Variants in GGT5 observed in about 807,000 individuals in gnomAD.
The protein encoded by GGT5 is glutathione hydrolase 5 proenzyme.
In GGT5, 50 loss-of-function variants were observed where a neutral mutation model predicts 58.1. That is an observed-to-expected ratio of 0.86 (90% CI 0.69 to 1.09). The LOEUF (loss-of-function observed/expected upper bound fraction) is 1.09. Ranked by LOEUF, GGT5 falls within the 50% of genes least tolerant of loss-of-function variation. The pLI is 0.00. For missense variants in GGT5, 800 were observed against 789.4 expected (o/e 1.01, Z -0.16); for synonymous variants, 370 against 346.1 (o/e 1.07, Z -0.77).
chr22:24,238,817 A>T (rs1435278006), intron 1 of GGT5, among the ~76,000 whole-genome samples: 1 of 2,026 alleles, frequency 4.9e-4, no homozygotes, highest in African/African-American at 2.0e-3. Flanking sequence ...AATATATTAT[A>T]TATATATATA....
At chr22:24,236,986 G>T (rs573194352) in intron 1 of GGT5, among the ~76,000 whole-genome samples, 1 of 150,702 alleles carries the variant, frequency 6.6e-6, no homozygotes, top group South Asian at 2.1e-4. Flanking sequence ...ATAGATCAGG[G>T]ATTCTTTTTT....
rs1435107476 is a variant in GGT5, at chr22:24,244,701, C to T, written c.25G>A (p.Val9Ile). The change falls in exon 1 of 12, where the codon GTC (valine) becomes ATC (isoleucine). Residue 9 changes from valine (V) to isoleucine (I), a missense_variant. Transcript: ENST00000327365. The part of the protein sequence containing the change: MARGYGAT[V>I]SLVLLGLGLA... ...CCCAGACCCAGCAGGACTAGGCTGACCGTGGCCCCGTAGCCCCGGGCCATG... is the reference window on the plus strand; with the variant it reads ...CCCAGACCCAGCAGGACTAGGCTGATCGTGGCCCCGTAGCCCCGGGCCATG... 1 of 1,611,886 alleles carries T rather than the reference C, an allele frequency of 6.2e-7. No individual in the cohort carries two copies. The highest frequency in any genetic ancestry group is 8.5e-7 in the Non-Finnish European group (1 of 1,179,646).
chr22:24,235,889 C>CCACAG (rs2048081267), intron 1 of GGT5, among the ~76,000 whole-genome samples: 1 of 152,142 alleles, frequency 6.6e-6, no homozygotes, highest in African/African-American at 2.4e-5. Flanking sequence ...GGGCCAGGTC[C>CCACAG]CTGCACCCAC....
intron 6 of GGT5, among the ~76,000 whole-genome samples, chr22:24,228,081 A>AAAAAAAC (rs2047829885): frequency 6.8e-6 from 1 of 147,070 alleles, no homozygotes; most frequent in African/African-American, 2.5e-5. Flanking sequence ...ACAAAAAAAA[A>AAAAAAAC]AAAACTCTGA....
chr22:24,226,679 CT>C lies in GGT5; in HGVS notation c.989del (p.Lys330ArgfsTer117), dbSNP rs2047776468. The part of the protein sequence containing the change: ...HHLVETLKFA[K>X]GQRWRLGDPR... ...GGTCCCCCAGCCTCCACCTCTGCCC[CT>C]TGGCAAACTTGAGCGTCTCTACAAG... On this transcript the variant is annotated frameshift_variant, in exon 7 of 12. Coordinates refer to ENST00000327365, the MANE Select transcript of GGT5 (RefSeq NM_004121.5). LOFTEE classifies it high-confidence loss of function. 1.2e-6 allele frequency: 2 copies of C among 1,613,982 alleles called. No homozygotes were observed. The highest frequency in any genetic ancestry group is 2.7e-5 in the African/African-American group (2 of 74,922).
At position 24,226,273 on chromosome 22, in the gene GGT5, T is replaced by G; in HGVS notation, c.1039-7A>C. 6.3e-7 allele frequency: 1 copy of G among 1,584,382 alleles called. No homozygotes were observed. The highest frequency in any genetic ancestry group is 8.6e-7 in the Non-Finnish European group (1 of 1,166,962). ...GCAGGTCCCGGGAGGCATTCTGGGG[T>G]GGGTGGGCAGGTGGCAGGGTCAGTG... On this transcript the variant is annotated splice_polypyrimidine_tract_variant and splice_region_variant and intron_variant, in intron 7 of 11. Transcript: ENST00000327365.
intron 11 of GGT5, among the ~76,000 whole-genome samples, chr22:24,223,561 A>C (rs116644676): frequency 2.0e-5 from 3 of 152,016 alleles, no homozygotes; most frequent in Non-Finnish European, 4.4e-5. Flanking sequence ...GCAAACTCCA[A>C]GAGTTTGAGC....
intron 1 of GGT5, among the ~76,000 whole-genome samples, chr22:24,238,832 T>TATATAATATATA: frequency 8.6e-5 from 1 of 11,690 alleles, no homozygotes; most frequent in East Asian, 3.1e-3. Flanking sequence ...TATATATATA[T>TATATAATATATA]TTATATATAT....
At chr22:24,228,117 A>T (rs1262633061) in intron 6 of GGT5, among the ~76,000 whole-genome samples, 1 of 150,490 alleles carries the variant, frequency 6.6e-6, no homozygotes, top group South Asian at 2.1e-4. Flanking sequence ...AAAGGCCATG[A>T]AGACAGGACT....
At chr22:24,229,002 A>G (rs1250694892) in intron 6 of GGT5, among the ~76,000 whole-genome samples, 2 of 151,970 alleles carry the variant, frequency 1.3e-5, no homozygotes, top group Non-Finnish European at 2.9e-5. Context: ...AGGCAGGAGA[A>G]TCGCTTGAAC....
chr22:24,238,750 A>G (rs1204067087), intron 1 of GGT5, among the ~76,000 whole-genome samples: 1 of 74,672 alleles, frequency 1.3e-5, no homozygotes, highest in African/African-American at 5.0e-5. Flanking sequence ...ATGTGTGTGT[A>G]TATATATGGA....
chr22:24,226,857 C>T (rs2047783921), intron 6 of GGT5, 90 bp from the exon 7 acceptor site: 1 of 1,096,808 alleles, frequency 9.1e-7, no homozygotes, highest in African/African-American at 1.5e-5. Flanking sequence ...AAAGATCCAC[C>T]CACATCCTAA....
chr22:24,228,218 G>A (rs1169013388), intron 6 of GGT5, among the ~76,000 whole-genome samples: 1 of 151,968 alleles, frequency 6.6e-6, no homozygotes, highest in Non-Finnish European at 1.5e-5. Context: ...AGGATTGCTT[G>A]AGTCCAGGAG....
At chr22:24,233,768 A>T in intron 2 of GGT5, 106 bp downstream of exon 2, 4 of 1,183,150 alleles carry the variant, frequency 3.4e-6, no homozygotes, top group African/African-American at 1.5e-5. Context: ...AGGGGGCCCA[A>T]GAACACCCAG....
intron 1 of GGT5, among the ~76,000 whole-genome samples, chr22:24,238,562 G>T: frequency 6.9e-6 from 1 of 144,102 alleles, no homozygotes; most frequent in South Asian, 2.2e-4. Flanking sequence ...AAATTAGCCA[G>T]GCGTGGTGGC....
At chr22:24,232,620 A>G (rs1007242120) in intron 4 of GGT5, among the ~76,000 whole-genome samples, 2 of 152,080 alleles carry the variant, frequency 1.3e-5, no homozygotes, top group African/African-American at 2.4e-5. Context: ...CACTTGGGCA[A>G]TAAACTCCCC....
At chr22:24,228,509 G>A (rs1259261375) in intron 6 of GGT5, among the ~76,000 whole-genome samples, 1 of 150,954 alleles carries the variant, frequency 6.6e-6, no homozygotes, top group Non-Finnish European at 1.5e-5. Flanking sequence ...GGAGTGCAGT[G>A]GTGTGATCTC....
At chr22:24,237,179 G>C (rs1304718070) in intron 1 of GGT5, among the ~76,000 whole-genome samples, 3 of 151,968 alleles carry the variant, frequency 2.0e-5, no homozygotes, top group African/African-American at 7.3e-5. Flanking sequence ...GGGACTATAG[G>C]CGTGAGCCAC....
intron 1 of GGT5, chr22:24,241,228 A>T (rs1241451651): frequency 2.0e-5 from 3 of 151,942 alleles, no homozygotes; most frequent in Non-Finnish European, 4.4e-5. Context: ...AGGAAACTGG[A>T]TATAGAAGTT....
Sources: allele counts gnomAD v4.1 joint callset (sites outside exome capture counted in the v4.1 genomes callset), GRCh38; gene constraint gnomAD v4.1.1; transcripts MANE v1.5; gene names NCBI Gene and HGNC (gene_info 2026-07-23, HGNC 2026-07-21).